The following SMCHD1 variants were observed in gnomAD, a reference collection of about 807,000 sequenced individuals.
SMCHD1 encodes structural maintenance of chromosomes flexible hinge domain containing 1.
In SMCHD1, 78 loss-of-function variants were observed where a neutral mutation model predicts 254.7. That is an observed-to-expected ratio of 0.31 (90% CI 0.26 to 0.37). The LOEUF is 0.37. SMCHD1 is among the 10% of genes least tolerant of loss of function. The pLI, the probability that SMCHD1 is intolerant of heterozygous loss-of-function variation, is 1.00. For synonymous variants in SMCHD1, 766 were observed against 794.9 expected, an observed-to-expected ratio of 0.96 and a Z score of 0.61; for missense variants, 1,840 against 2,408.1, an observed-to-expected ratio of 0.76 and a Z score of 4.94.
chr18:2,793,514 A>G (rs904711190), intron 45 of SMCHD1, among the ~76,000 whole-genome samples: 1 of 152,012 alleles, frequency 6.6e-6, no homozygotes, highest in Non-Finnish European at 1.5e-5. Context: ...ATACAAAAAA[A>G]ATCAGCTGGG....
chr18:2,676,089 C>G lies in SMCHD1; in HGVS notation c.638+1944C>G, dbSNP rs2073742352. ...CTAGCTTCTGCTCAGTTGCTTTACT[C>G]CTTCCATTTGTTTTTTTCTGGATAC... On this transcript the variant is annotated intron_variant, in intron 5 of 47. Transcript: ENST00000320876. Among the ~76,000 whole-genome samples the G allele has an allele frequency of 2.0e-5, 3 of 152,122 alleles. No individual in the cohort carries two copies. In the South Asian group the frequency reaches 6.2e-4, roughly 31 times the overall value.
rs566145835 is a variant in SMCHD1, at chr18:2,753,846, C to T, written c.4346+1294C>T. 1.9e-4 allele frequency among the ~76,000 whole-genome samples: 29 copies of T among 152,236 alleles called. 1 individual carries two copies. The South Asian group carries it at 2.5e-3, about 13-fold the overall frequency. ...TGGTGGGATTACAAGCATGAGCCAC[C>T]GTGCCCGGCCCTTCCCAACACGGTT... On this transcript the variant is annotated intron_variant, in intron 34 of 47. Coordinates refer to ENST00000320876, the MANE Select transcript of SMCHD1 (RefSeq NM_015295.3).
intron 34 of SMCHD1, among the ~76,000 whole-genome samples, chr18:2,754,927 A>G (rs2075645281): frequency 1.3e-5 from 2 of 152,048 alleles, no homozygotes; most frequent in African/African-American, 4.8e-5. Flanking sequence ...CATGAGGTCC[A>G]TCGTAAATGA....
At chr18:2,656,611 GTC>G (rs2073067694) in intron 1 of SMCHD1, among the ~76,000 whole-genome samples, 1 of 152,256 alleles carries the variant, frequency 6.6e-6, no homozygotes, top group South Asian at 2.1e-4. Flanking sequence ...CGTTGGTGGT[GTC>G]TGTTTTTACT....
rs528297752 is a variant in SMCHD1, at chr18:2,795,114, C to T, written c.5720-835C>T. ...TCGCTCTGTCACCCAGGCTGAATGG[C>T]GCAATCTCAGCTCACTGCAAGCTCT... On this transcript the variant is annotated intron_variant, in intron 45 of 47. Transcript: ENST00000320876. Among the ~76,000 whole-genome samples, 634 of 151,774 alleles carry T rather than the reference C, an allele frequency of 4.2e-3. 2 individuals are homozygous for T. The highest frequency in any genetic ancestry group is 6.7e-3 in the Non-Finnish European group (454 of 67,974).
intron 9 of SMCHD1, 84 bp from the exon 10 acceptor site, chr18:2,697,747 A>T: frequency 1.2e-6 from 1 of 848,142 alleles, no homozygotes; most frequent in Non-Finnish European, 1.9e-6. Context: ...CATAATTTTT[A>T]CTTATTCTGT....
intron 3 of SMCHD1, among the ~76,000 whole-genome samples, chr18:2,671,726 G>T (rs1030005039): frequency 3.3e-5 from 5 of 151,260 alleles, no homozygotes; most frequent in Non-Finnish European, 7.4e-5. Context: ...CTCCTGAGTA[G>T]CTGGGACTGC....
In SMCHD1 at chr18:2,679,480, C is replaced by CAAAAAAAAAAAAAAAAAA. The variant is rs59034633; in HGVS notation, c.638+5337_638+5354dup. Among the ~76,000 whole-genome samples the CAAAAAAAAAAAAAAAAAA allele has an allele frequency of 2.1e-3, 124 of 58,692 alleles. 4 individuals are homozygous for CAAAAAAAAAAAAAAAAAA. Among genetic ancestry groups the CAAAAAAAAAAAAAAAAAA allele is most frequent in the East Asian group, 0.01 (9 of 874 alleles). 38.5% of individuals were successfully genotyped at this position (58,692 alleles called of 152,430 possible). ...GGGTGACAGAGCGAGACTCCATCTC[C>CAAAAAAAAAAAAAAAAAA]AAAAAAAAAAAAAAAAAAAGGAACT... On this transcript the variant is annotated intron_variant, in intron 5 of 47. Coordinates refer to ENST00000320876, the MANE Select transcript of SMCHD1 (RefSeq NM_015295.3).
At chr18:2,764,986 A>G (rs1320873211) in intron 37 of SMCHD1, among the ~76,000 whole-genome samples, 3 of 152,348 alleles carry the variant, frequency 2.0e-5, no homozygotes, top group South Asian at 2.1e-4. Flanking sequence ...GTATATGTCT[A>G]TCTTACTCAT....
At chr18:2,723,586 C>T (rs1328509985) in intron 20 of SMCHD1, among the ~76,000 whole-genome samples, 1 of 152,118 alleles carries the variant, frequency 6.6e-6, no homozygotes, top group Non-Finnish European at 1.5e-5. Context: ...AGTCAAAGAA[C>T]AGGGCTGGGG....
At chr18:2,713,717 A>G (rs1017937290) in intron 17 of SMCHD1, among the ~76,000 whole-genome samples, 18 of 152,148 alleles carry the variant, frequency 1.2e-4, no homozygotes, top group Non-Finnish European at 2.1e-4. Flanking sequence ...TTTTCATATC[A>G]ATTTTATCAT....
chr18:2,678,009 G>A (rs7245003), intron 5 of SMCHD1, among the ~76,000 whole-genome samples: 30,899 of 152,004 alleles, frequency 0.2, 3,353 homozygotes, highest in South Asian at 0.33. Flanking sequence ...TAATACCAAC[G>A]ACATACTCTG....
At chr18:2,664,054 AC>A (rs879721760) in intron 1 of SMCHD1, among the ~76,000 whole-genome samples, 4 of 152,042 alleles carry the variant, frequency 2.6e-5, no homozygotes, top group Non-Finnish European at 1.5e-5. Context: ...TCTTATGAAA[AC>A]CTTCAGACAC....
intron 17 of SMCHD1, among the ~76,000 whole-genome samples, chr18:2,715,563 T>TA (rs148304394): frequency 0.072 from 10,988 of 152,288 alleles, 566 homozygotes; most frequent in Admixed American, 0.15. Flanking sequence ...AGAGCTTCTT[T>TA]AAAAATCAGT....
chr18:2,696,263 C>T (rs1042530211), intron 8 of SMCHD1, among the ~76,000 whole-genome samples: 1 of 152,082 alleles, frequency 6.6e-6, no homozygotes, highest in Non-Finnish European at 1.5e-5. Flanking sequence ...GAACAGGGGT[C>T]CCCAACGCCC....
chr18:2,656,448 C>T (rs1310014534), intron 1 of SMCHD1, among the ~76,000 whole-genome samples, 187 bp downstream of exon 1: 3 of 152,244 alleles, frequency 2.0e-5, no homozygotes, highest in Non-Finnish European at 4.4e-5. Context: ...CGGGCCCTGG[C>T]CCGGGCCTCG....
At chr18:2,712,772 T>C (rs1200180653) in intron 17 of SMCHD1, among the ~76,000 whole-genome samples, 4 of 152,224 alleles carry the variant, frequency 2.6e-5, no homozygotes, top group Non-Finnish European at 4.4e-5. Flanking sequence ...TTTCCTCATT[T>C]TACGCCAAAG....
chr18:2,664,571 G>A (rs1435541800), intron 1 of SMCHD1, among the ~76,000 whole-genome samples: 1 of 152,084 alleles, frequency 6.6e-6, no homozygotes, highest in African/African-American at 2.4e-5. Flanking sequence ...TAGCTTTAAA[G>A]GCTTGATTTG....
Position 2,802,668 on chromosome 18 carries a change from A to G in SMCHD1, c.*116A>G. The G allele has an allele frequency of 1.1e-6, 1 of 888,296 alleles. No homozygotes were observed. The highest frequency in any genetic ancestry group is 1.7e-5 in the African/African-American group (1 of 57,282). 55.0% of individuals were successfully genotyped at this position (888,296 alleles called of 1,614,324 possible). A position where few individuals can be genotyped will look rare whatever the true frequency, so the allele number is the denominator to read the frequency against. The stretch of plus-strand genomic sequence containing the variant: ...GACTGAGTATTTCTGGGGACAATAC[A>G]AGTACCTGGGCATGAATTTCCATTT... On this transcript the variant is annotated 3_prime_UTR_variant, in exon 48 of 48. Coordinates refer to ENST00000320876, the MANE Select transcript of SMCHD1 (RefSeq NM_015295.3).
Sources: gnomAD v4.1 joint callset for allele counts (sites outside exome capture counted in the v4.1 genomes callset) on GRCh38, gnomAD v4.1.1 for gene constraint, MANE v1.5 for transcripts, NCBI Gene and HGNC (gene_info 2026-07-23, HGNC 2026-07-21) for gene names.